EPHA3: variants seen among roughly 807,000 people sequenced by gnomAD.
The protein encoded by EPHA3 is ephrin type-A receptor 3.
Under a neutral mutation model 107.1 loss-of-function variants are expected in EPHA3, and 42 were observed. The ratio of observed to expected loss-of-function variants is 0.39; its 90% CI spans 0.31 to 0.51. EPHA3 has a LOEUF of 0.51. EPHA3 is among the 20% of genes least tolerant of loss of function. EPHA3 has a pLI of 0.78. For missense variants in EPHA3, 1,183 were observed against 1,211.2 expected, an observed-to-expected ratio of 0.98 and a Z score of 0.35; for synonymous variants, 461 against 424.8, an observed-to-expected ratio of 1.09 and a Z score of -1.05.
At chr3:89,332,143 A>G (rs1204444466) in intron 3 of EPHA3, among the ~76,000 whole-genome samples, 2 of 152,124 alleles carry the variant, frequency 1.3e-5, no homozygotes, top group Non-Finnish European at 2.9e-5. Flanking sequence ...TCATTCTCTG[A>G]GCACTGATCA....
chr3:89,314,777 C>A (rs544426095), intron 3 of EPHA3, among the ~76,000 whole-genome samples: 5 of 152,036 alleles, frequency 3.3e-5, no homozygotes, highest in African/African-American at 1.2e-4. Flanking sequence ...GTACACTCAG[C>A]AAATTATTCC....
At chr3:89,146,202 C>A (rs1274371075) in intron 2 of EPHA3, among the ~76,000 whole-genome samples, 1 of 151,892 alleles carries the variant, frequency 6.6e-6, no homozygotes, top group Non-Finnish European at 1.5e-5. Flanking sequence ...GGGTATCCTC[C>A]ATGTATACAC....
chr3:89,332,452 A>G (rs1214002716), intron 3 of EPHA3, among the ~76,000 whole-genome samples: 2 of 152,182 alleles, frequency 1.3e-5, no homozygotes, highest in East Asian at 3.8e-4. Flanking sequence ...GGCCTTTTTT[A>G]TAGAACAGTG....
rs573590145 is a variant in EPHA3 at position 89,168,385 on chromosome 3, AT to A, written c.153+41118del. Among the ~76,000 whole-genome samples, 42 of 152,112 alleles carry A rather than the reference AT, an allele frequency of 2.8e-4. 2 individuals are homozygous for A. The East Asian group carries it at 6.4e-3, about 23-fold the overall frequency. ...TGGAAAGTTTATGTTATTTTTTGTG[AT>A]TTTTTATAGGGTGTTTCATAAGTCA... On this transcript the variant is annotated intron_variant, in intron 2 of 16. Coordinates refer to ENST00000336596, the MANE Select transcript of EPHA3 (RefSeq NM_005233.6).
chr3:89,366,358 A>G (rs75652816), intron 5 of EPHA3, among the ~76,000 whole-genome samples: 2,331 of 150,766 alleles, frequency 0.015, 63 homozygotes, highest in African/African-American at 0.053. Flanking sequence ...ATTTAAACAC[A>G]TGTGGAAGAA....
chr3:89,416,496 A>C (rs572251841), intron 10 of EPHA3, among the ~76,000 whole-genome samples: 1 of 151,266 alleles, frequency 6.6e-6, no homozygotes, highest in Non-Finnish European at 1.5e-5. Context: ...CTTTATTGAG[A>C]TACAATTTAC....
chr3:89,286,708 A>G (rs1053182527), intron 3 of EPHA3, among the ~76,000 whole-genome samples: 2 of 152,180 alleles, frequency 1.3e-5, no homozygotes, highest in African/African-American at 4.8e-5. Flanking sequence ...TTTTAGGAAG[A>G]TAACCAAATT....
chr3:89,117,735 G>A (rs1707290228), intron 1 of EPHA3, among the ~76,000 whole-genome samples: 1 of 151,496 alleles, frequency 6.6e-6, no homozygotes, highest in Non-Finnish European at 1.5e-5. Flanking sequence ...ACAAACAGGT[G>A]ATGTGAAAAA....
chr3:89,319,217 T>C (rs778351958), intron 3 of EPHA3, among the ~76,000 whole-genome samples: 1 of 151,848 alleles, frequency 6.6e-6, no homozygotes, highest in Non-Finnish European at 1.5e-5. Flanking sequence ...GGAGAAAGAT[T>C]GAGAGTAAGA....
chr3:89,238,585 A>G (rs1448651885), intron 3 of EPHA3, among the ~76,000 whole-genome samples: 1 of 152,202 alleles, frequency 6.6e-6, no homozygotes, highest in Non-Finnish European at 1.5e-5. Flanking sequence ...TTAGGAAAGT[A>G]TTTCATTTTA....
chr3:89,259,184 G>C (rs1263138600), intron 3 of EPHA3, among the ~76,000 whole-genome samples: 1 of 152,034 alleles, frequency 6.6e-6, no homozygotes, highest in Non-Finnish European at 1.5e-5. Context: ...ATCTGCCCTA[G>C]TTACCTCTCT....
intron 3 of EPHA3, among the ~76,000 whole-genome samples, chr3:89,267,911 A>G (rs140758486): frequency 6.6e-6 from 1 of 152,254 alleles, no homozygotes; most frequent in East Asian, 1.9e-4. Context: ...TTATTTTAAA[A>G]CAGTGTGATT....
intron 2 of EPHA3, among the ~76,000 whole-genome samples, chr3:89,202,949 A>T (rs1706007474): frequency 2.0e-5 from 3 of 152,308 alleles, no homozygotes; most frequent in South Asian, 4.1e-4. Flanking sequence ...GAGGTAGAAG[A>T]TGAGGTTATT....
At chr3:89,160,558 G>T (rs985669386) in intron 2 of EPHA3, among the ~76,000 whole-genome samples, 1 of 121,694 alleles carries the variant, frequency 8.2e-6, no homozygotes, top group Admixed American at 9.6e-5. Flanking sequence ...TTGTGTGTGT[G>T]TGTGTGTGTG....
chr3:89,383,798 G>A (rs1356965513), intron 5 of EPHA3, among the ~76,000 whole-genome samples: 2 of 151,490 alleles, frequency 1.3e-5, no homozygotes, highest in Non-Finnish European at 2.9e-5. Context: ...ACAGGTGCCC[G>A]CCACCACGCC....
chr3:89,285,621 T>C (rs73846123), intron 3 of EPHA3, among the ~76,000 whole-genome samples: 2,545 of 152,264 alleles, frequency 0.017, 79 homozygotes, highest in African/African-American at 0.057. Flanking sequence ...ATGTCAGCTA[T>C]TTACAAATGA....
intron 3 of EPHA3, among the ~76,000 whole-genome samples, chr3:89,248,892 A>G (rs1472102591): frequency 6.6e-6 from 1 of 152,256 alleles, no homozygotes; most frequent in Non-Finnish European, 1.5e-5. Flanking sequence ...AGCATACTTC[A>G]AATTCTTCTG....
chr3:89,342,038 G>C lies in EPHA3; in HGVS notation c.1254G>C (p.Leu418=). 1 of 1,611,618 alleles carries C rather than the reference G, an allele frequency of 6.2e-7. No individual in the cohort carries two copies. The highest frequency in any genetic ancestry group is 8.5e-7 in the Non-Finnish European group (1 of 1,179,518). ...ATGCCGTTAATGGGGTGTCAGAGCT[G>C]AGCTCCCCACCAAGACAGTTTGCTG... ...EIDAVNGVSE[L]SSPPRQFAAV... is the part of the protein sequence containing the mutation. Residue 418 remains leucine (L), a synonymous_variant, in exon 5 of 17, where the codon CTG becomes CTC. Coordinates refer to ENST00000336596, the MANE Select transcript of EPHA3 (RefSeq NM_005233.6).
intron 11 of EPHA3, 36 bp downstream of exon 11, chr3:89,419,426 T>C: frequency 6.6e-7 from 1 of 1,510,982 alleles, no homozygotes; most frequent in Non-Finnish European, 8.9e-7. Context: ...TGTTTCCGTA[T>C]GTTGAGCAAA....
Sources: gnomAD v4.1 joint callset for allele counts (sites outside exome capture counted in the v4.1 genomes callset) on GRCh38, gnomAD v4.1.1 for gene constraint, MANE v1.5 for transcripts, NCBI Gene and HGNC (gene_info 2026-07-23, HGNC 2026-07-21) for gene names.